Variants in PITPNC1 observed in about 807,000 individuals in gnomAD.
PITPNC1 encodes phosphatidylinositol transfer protein cytoplasmic 1.
Under a neutral mutation model 44.7 loss-of-function variants are expected in PITPNC1, and 18 were observed. The ratio of observed to expected loss-of-function variants is 0.40; its 90% confidence interval spans 0.28 to 0.60. PITPNC1 has a LOEUF of 0.60. PITPNC1 is among the 20% of genes least tolerant of loss of function. The probability of loss-of-function intolerance (pLI) is 0.39; values close to 1 mark genes in which losing one functional copy is unlikely to be tolerated. For missense variants in PITPNC1, 290 were observed against 418.4 expected, an observed-to-expected ratio of 0.69 and a Z score of 2.68; for synonymous variants, 141 against 149.6, an observed-to-expected ratio of 0.94 and a Z score of 0.42.
intron 5 of PITPNC1, among the ~76,000 whole-genome samples, chr17:67,618,540 C>G (rs2041790331): frequency 1.3e-5 from 2 of 150,938 alleles, no homozygotes; most frequent in Admixed American, 1.3e-4. Flanking sequence ...CACCTGAGGT[C>G]AGGAGTTAAA....
intron 6 of PITPNC1, among the ~76,000 whole-genome samples, chr17:67,647,464 GT>G (rs60407940): frequency 7.7e-4 from 56 of 72,360 alleles, no homozygotes; most frequent in African/African-American, 1.3e-3. Flanking sequence ...CTAATTTTGG[GT>G]TTTTTTTTTT....
intron 1 of PITPNC1, among the ~76,000 whole-genome samples, chr17:67,451,957 A>G (rs935540371): frequency 6.7e-6 from 1 of 149,246 alleles, no homozygotes; most frequent in Admixed American, 6.7e-5. Flanking sequence ...CTTTTACTCA[A>G]CATAAAGTTT....
chr17:67,620,746 G>A (rs2706665), intron 5 of PITPNC1, among the ~76,000 whole-genome samples: 8,497 of 152,236 alleles, frequency 0.056, 533 homozygotes, highest in African/African-American at 0.15. Flanking sequence ...TAACCCTGAT[G>A]GATGAGTTTC....
chr17:67,538,489 G>C (rs191911722), intron 2 of PITPNC1, among the ~76,000 whole-genome samples: 1 of 152,134 alleles, frequency 6.6e-6, no homozygotes, highest in South Asian at 2.1e-4. Context: ...GGTCCCAGCT[G>C]TTCAGGAGGC....
intron 4 of PITPNC1, among the ~76,000 whole-genome samples, chr17:67,561,201 A>G (rs2040397101): frequency 6.6e-6 from 1 of 152,246 alleles, no homozygotes; most frequent in South Asian, 2.1e-4. Context: ...CATGCCTGTA[A>G]TCTCAACACT....
At chr17:67,414,536 C>A (rs2038557300) in intron 1 of PITPNC1, among the ~76,000 whole-genome samples, 1 of 151,970 alleles carries the variant, frequency 6.6e-6, no homozygotes, top group South Asian at 2.1e-4. Context: ...TTCCAAGGGC[C>A]AATTCCAGCC....
chr17:67,692,491 G>A, intron 8 of PITPNC1, 81 bp from the exon 9 acceptor site: 2 of 985,784 alleles, frequency 2.0e-6, no homozygotes, highest in Admixed American at 2.1e-5. Context: ...CATAGTTCCT[G>A]TAAAAACAAG....
intron 1 of PITPNC1, among the ~76,000 whole-genome samples, chr17:67,476,248 C>T (rs888086415): frequency 2.0e-5 from 3 of 147,624 alleles, no homozygotes; most frequent in African/African-American, 5.0e-5. Context: ...TGCAGTGGCA[C>T]GATCTTGGGT....
chr17:67,554,914 GA>G (rs1405560912), intron 4 of PITPNC1, among the ~76,000 whole-genome samples: 1 of 152,030 alleles, frequency 6.6e-6, no homozygotes, highest in Non-Finnish European at 1.5e-5. Flanking sequence ...GCAGAATGAA[GA>G]AAAAACAGGA....
intron 4 of PITPNC1, among the ~76,000 whole-genome samples, chr17:67,558,933 C>G (rs2040872787): frequency 6.6e-6 from 1 of 152,182 alleles, no homozygotes; most frequent in Non-Finnish European, 1.5e-5. Context: ...AAAGGCTGCT[C>G]ACAGCTGAGA....
At chr17:67,518,779 C>G (rs1477171407) in intron 1 of PITPNC1, among the ~76,000 whole-genome samples, 3 of 152,270 alleles carry the variant, frequency 2.0e-5, no homozygotes, top group South Asian at 2.1e-4. Context: ...AGACCCATCT[C>G]TACAATTTTT....
chr17:67,422,549 C>CT (rs569027541), intron 1 of PITPNC1, among the ~76,000 whole-genome samples: 64 of 152,154 alleles, frequency 4.2e-4, no homozygotes, highest in Middle Eastern at 3.4e-3. Flanking sequence ...CACTGTCTTT[C>CT]TTTTTTTCTT....
At chr17:67,602,981 T>A (rs1018740420) in intron 5 of PITPNC1, among the ~76,000 whole-genome samples, 2 of 152,056 alleles carry the variant, frequency 1.3e-5, no homozygotes, top group Non-Finnish European at 2.9e-5. Flanking sequence ...GCTCAAGTGA[T>A]CCTCTTGCCT....
At position 67,696,111 on chromosome 17, in the gene PITPNC1, A is replaced by G. The variant is rs1229226834; in HGVS notation, c.*3223A>G. The G allele has an allele frequency of 6.6e-6, 1 of 152,192 alleles. No homozygotes were observed. Among genetic ancestry groups the G allele is most frequent in the Non-Finnish European group, 1.5e-5 (1 of 68,028 alleles). The allele number at this position is 152,192 out of a possible 1,614,324, so 9.4% of individuals were successfully genotyped here. On this transcript the variant is annotated 3_prime_UTR_variant, in exon 9 of 9. Coordinates refer to ENST00000581322, the MANE Select transcript of PITPNC1 (RefSeq NM_012417.4). ...CTGTGTGTGAGGAAAATTTTAATTT[A>G]TTTGGAAGTATTTATTAGCCATGTT...
intron 1 of PITPNC1, among the ~76,000 whole-genome samples, chr17:67,485,888 G>C (rs1412003048): frequency 1.3e-5 from 2 of 152,178 alleles, no homozygotes; most frequent in African/African-American, 4.8e-5. Context: ...CTGCAATGTG[G>C]ATTAAGGGAC....
At chr17:67,425,545 AG>A (rs2038752250) in intron 1 of PITPNC1, among the ~76,000 whole-genome samples, 2 of 136,820 alleles carry the variant, frequency 1.5e-5, no homozygotes, top group Non-Finnish European at 3.0e-5. Flanking sequence ...TTTTAGAGAC[AG>A]GGTCTTGCTC....
At chr17:67,461,312 G>A (rs2039334124) in intron 1 of PITPNC1, among the ~76,000 whole-genome samples, 1 of 152,252 alleles carries the variant, frequency 6.6e-6, no homozygotes, top group Admixed American at 6.5e-5. Flanking sequence ...CCTACTGGAA[G>A]TCAAATAGAT....
intron 1 of PITPNC1, among the ~76,000 whole-genome samples, chr17:67,469,393 G>A (rs545707190): frequency 8.3e-4 from 126 of 152,212 alleles, no homozygotes; most frequent in South Asian, 4.2e-4. Context: ...GTATCACTCC[G>A]TAGCTTATTA....
At chr17:67,438,083 GAAA>G (rs564508949) in intron 1 of PITPNC1, among the ~76,000 whole-genome samples, 7 of 149,076 alleles carry the variant, frequency 4.7e-5, no homozygotes, top group Non-Finnish European at 7.4e-5. Flanking sequence ...AAGAAAAAAA[GAAA>G]AAAAAAGAAG....
Sources: gnomAD v4.1 joint callset for allele counts (sites outside exome capture counted in the v4.1 genomes callset) on GRCh38, gnomAD v4.1.1 for gene constraint, MANE v1.5 for transcripts, NCBI Gene and HGNC (gene_info 2026-07-23, HGNC 2026-07-21) for gene names.